NMRK2: variants seen among roughly 807,000 people sequenced by gnomAD.
NMRK2 encodes the protein nicotinamide riboside kinase 2, also known as NRK 2.
Under a neutral mutation model 24.7 loss-of-function variants are expected in NMRK2, and 34 were observed. The observed-to-expected ratio is 1.37, with a 90% CI of 1.05 to 1.83. The LOEUF (loss-of-function observed/expected upper bound fraction) is 1.83, where lower values mean the gene tolerates loss of function less well. NMRK2 is among the 40% of genes most tolerant of loss of function. NMRK2 has a pLI of 0.00. For missense variants in NMRK2, 341 were observed against 315.0 expected, an observed-to-expected ratio of 1.08 and a Z score of -0.62; for synonymous variants, 145 against 125.6, an observed-to-expected ratio of 1.15 and a Z score of -1.03.
At position 3,940,363 on chromosome 19, in the gene NMRK2, C is replaced by T. The variant is rs1193992254; in HGVS notation, c.395+392C>T. ...AAAAAAAAAAAAAAAAAAAAAAAGG[C>T]GGCCAGGCGCGGTGGCTCACGCCTG... On this transcript the variant is annotated intron_variant, in intron 6 of 7. Coordinates refer to ENST00000168977, the MANE Select transcript of NMRK2 (RefSeq NM_170678.3). 6.2e-5 allele frequency among the ~76,000 whole-genome samples: 8 copies of T among 128,574 alleles called. No homozygotes were observed. In the East Asian group the frequency reaches 9.1e-4, roughly 15 times the overall value. 84.3% of individuals were successfully genotyped at this position (128,574 alleles called of 152,430 possible).
chr19:3,941,085 C>T lies in NMRK2; in HGVS notation c.410C>T (p.Thr137Ile). ...TCCCTCTGCAGTACCCGCAACTACA[C>T]AGTCCCTGATCCCCCCGGCCTCTTC... ...CKWRRSTRNYTVPDPPGLFDG... is the reference protein window; with the variant it reads ...CKWRRSTRNYIVPDPPGLFDG... The change falls in exon 7 of 8, where the codon ACA (threonine) becomes ATA (isoleucine). Residue 137 changes from threonine (T) to isoleucine (I), a missense_variant. By Grantham distance (89) the Thr-to-Ile change is moderately conservative. Coordinates refer to ENST00000168977, the MANE Select transcript of NMRK2 (RefSeq NM_170678.3). The T allele has an allele frequency of 4.3e-6, 7 of 1,613,098 alleles. No individual in the cohort carries two copies. The highest frequency in any genetic ancestry group is 2.2e-5 in the East Asian group (1 of 44,852).
chr19:3,938,819 C>CTTTT, intron 5 of NMRK2, 60 bp downstream of exon 5: 5 of 330,208 alleles, frequency 1.5e-5, no homozygotes, highest in South Asian at 8.8e-5. Flanking sequence ...ATAGCCATCT[C>CTTTT]TTGTTTTTTT....
Position 3,942,217 on chromosome 19 carries a change from C to CGCGGAT in NMRK2, c.642_647dup (p.Cys215_Gly216dup), listed in dbSNP as rs1300009010. Reference sequence around the variant, plus strand: ...CCCAGCCAGGACACAGGGACCCGGACGCGGATGCGGCCACAGAACGGCCAG... The same window carrying CGCGGAT: ...CCCAGCCAGGACACAGGGACCCGGACGCGGATGCGGATGCGGCCACAGAACGGCCAG... On this transcript the variant is annotated inframe_insertion, in exon 8 of 8. Coordinates refer to ENST00000168977, the MANE Select transcript of NMRK2 (RefSeq NM_170678.3). 1 of 1,612,688 alleles carries CGCGGAT rather than the reference C, an allele frequency of 6.2e-7. No individual in the cohort carries two copies. Among genetic ancestry groups the CGCGGAT allele is most frequent in the African/African-American group, 1.3e-5 (1 of 74,926 alleles).
chr19:3,939,273 G>A (rs531704603), intron 5 of NMRK2, among the ~76,000 whole-genome samples: 1 of 150,920 alleles, frequency 6.6e-6, no homozygotes, highest in African/African-American at 2.4e-5. Flanking sequence ...AGCACTTTGG[G>A]AGGCCAAGAT....
intron 5 of NMRK2, among the ~76,000 whole-genome samples, chr19:3,939,639 G>A (rs1220651857): frequency 6.6e-6 from 1 of 152,126 alleles, no homozygotes; most frequent in East Asian, 1.9e-4. Context: ...GCGCCCTCTG[G>A]CTTCACTGTG....
Position 3,933,600 on chromosome 19 carries a change from C to G in NMRK2, c.-72C>G. On this transcript the variant is annotated 5_prime_UTR_variant, in exon 2 of 8. Coordinates refer to ENST00000168977, the MANE Select transcript of NMRK2 (RefSeq NM_170678.3). ...TTCTCAATGAAGCCGGGACGCACTCCGGAGCGCACTGCGTGGTCGCACCCT... is the reference window on the plus strand; with the variant it reads ...TTCTCAATGAAGCCGGGACGCACTCGGGAGCGCACTGCGTGGTCGCACCCT... 1 of 1,498,786 alleles carries G rather than the reference C, an allele frequency of 6.7e-7. No homozygotes were observed. Among genetic ancestry groups the G allele is most frequent in the Non-Finnish European group, 8.9e-7 (1 of 1,121,440 alleles). 92.8% of individuals were successfully genotyped at this position (1,498,786 alleles called of 1,614,324 possible).
At chr19:3,934,563 TTTG>T (rs748235220) in intron 2 of NMRK2, among the ~76,000 whole-genome samples, 31 of 126,496 alleles carry the variant, frequency 2.5e-4, no homozygotes, top group Non-Finnish European at 3.8e-4. Flanking sequence ...GGTTTTTTTT[TTTG>T]GGGGGGGGGT....
At chr19:3,941,248 T>TA in intron 7 of NMRK2, 71 bp downstream of exon 7, 2 of 545,034 alleles carry the variant, frequency 3.7e-6, no homozygotes, top group Non-Finnish European at 5.8e-6. Flanking sequence ...CCCCTCTCCA[T>TA]CTTTTTTTTT....
chr19:3,939,424 G>T (rs1568181141), intron 5 of NMRK2, among the ~76,000 whole-genome samples: 2 of 152,026 alleles, frequency 1.3e-5, no homozygotes, highest in Non-Finnish European at 2.9e-5. Context: ...TGAGGCAAGA[G>T]AATCGCTTGA....
chr19:3,941,665 C>T (rs552389857), intron 7 of NMRK2, among the ~76,000 whole-genome samples: 2 of 151,544 alleles, frequency 1.3e-5, no homozygotes, highest in Non-Finnish European at 2.9e-5. Context: ...GTTGTTTAGA[C>T]GGAGTCTTGT....
intron 4 of NMRK2, among the ~76,000 whole-genome samples, 191 bp from the exon 5 acceptor site, chr19:3,938,412 G>A (rs1452973702): frequency 5.3e-5 from 4 of 75,326 alleles, no homozygotes; most frequent in Admixed American, 1.5e-4. Flanking sequence ...CCCGCTCCCC[G>A]TCCACTGTTC....
At chr19:3,937,192 G>A (rs2039228525) in intron 3 of NMRK2, 48 bp from the exon 4 acceptor site, 2 of 1,605,758 alleles carry the variant, frequency 1.2e-6, no homozygotes, top group Non-Finnish European at 1.7e-6. Context: ...GGCCGGGGGT[G>A]AGGCAGGACC....
intron 6 of NMRK2, among the ~76,000 whole-genome samples, 153 bp downstream of exon 6, chr19:3,940,124 A>G (rs993588446): frequency 6.6e-6 from 1 of 151,878 alleles, no homozygotes; most frequent in African/African-American, 2.4e-5. Context: ...AGGCAGGTGG[A>G]TCACCTGAGG....
At chr19:3,936,535 G>A in intron 2 of NMRK2, 40 bp from the exon 3 acceptor site, 4 of 1,473,710 alleles carry the variant, frequency 2.7e-6, no homozygotes, top group Non-Finnish European at 3.6e-6. Flanking sequence ...ACCTTCTTGG[G>A]GGGAGCCCAG....
At chr19:3,935,940 C>G (rs760844938) in intron 2 of NMRK2, among the ~76,000 whole-genome samples, 1 of 151,626 alleles carries the variant, frequency 6.6e-6, no homozygotes, top group South Asian at 2.1e-4. Flanking sequence ...ATAGGTGGGC[C>G]GGGCTCACAC....
At chr19:3,939,853 G>A in intron 5 of NMRK2, 47 bp from the exon 6 acceptor site, 1 of 1,556,884 alleles carries the variant, frequency 6.4e-7, no homozygotes, top group Non-Finnish European at 8.9e-7. Flanking sequence ...GACTGCGGTT[G>A]AAGGAAAGCT....
chr19:3,935,032 T>G (rs1243847316), intron 2 of NMRK2, among the ~76,000 whole-genome samples: 7 of 152,154 alleles, frequency 4.6e-5, no homozygotes, highest in African/African-American at 1.7e-4. Context: ...ACCTGGGGGC[T>G]TACATTTTAA....
chr19:3,939,719 TG>T (rs1321077604), intron 5 of NMRK2, among the ~76,000 whole-genome samples, 180 bp from the exon 6 acceptor site: 1 of 152,064 alleles, frequency 6.6e-6, no homozygotes, highest in Non-Finnish European at 1.5e-5. Context: ...TTCAATTTTG[TG>T]GGGGGCTGCT....
In NMRK2 at chr19:3,940,083, TG is replaced by T. The variant is rs2039303744; in HGVS notation, c.395+115del. ...CACTGGGGGCTGGGCACAGTGTCTC[TG>T]GGCTGTAATCCCAGCACTTCCGGAG... On this transcript the variant is annotated intron_variant, in intron 6 of 7. Coordinates refer to ENST00000168977, the MANE Select transcript of NMRK2 (RefSeq NM_170678.3). The T allele has an allele frequency of 2.3e-5, 21 of 918,206 alleles. No homozygotes were observed. In the East Asian group the frequency reaches 5.6e-4, roughly 25 times the overall value. 56.9% of individuals were successfully genotyped at this position (918,206 alleles called of 1,614,324 possible). A position where few individuals can be genotyped will look rare whatever the true frequency, so the allele number is the denominator to read the frequency against.
Sources: allele counts gnomAD v4.1 joint callset (sites outside exome capture counted in the v4.1 genomes callset), GRCh38; gene constraint gnomAD v4.1.1; transcripts MANE v1.5; gene names NCBI Gene and HGNC (gene_info 2026-07-23, HGNC 2026-07-21).